The following MXRA5 variants were observed in gnomAD, a reference collection of about 807,000 sequenced individuals.
MXRA5 encodes matrix-remodeling-associated protein 5.
A neutral mutation model predicts 112.5 loss-of-function variants in MXRA5; 41 were observed. The observed-to-expected ratio is 0.36, with a 90% CI of 0.28 to 0.47. The LOEUF is 0.47. Ranked by LOEUF, MXRA5 falls within the 20% of genes least tolerant of loss-of-function variation. MXRA5 has a pLI of 0.99. For synonymous variants in MXRA5, 862 were observed against 900.8 expected, an observed-to-expected ratio of 0.96 and a Z score of 0.77; for missense variants, 2,150 against 2,251.0, an observed-to-expected ratio of 0.96 and a Z score of 0.91.
intron 1 of MXRA5, among the ~76,000 whole-genome samples, chrX:3,345,224 G>C (rs1234269715): frequency 8.9e-6 from 1 of 112,969 alleles, no homozygotes; most frequent in Non-Finnish European, 1.9e-5. Context: ...ACCTAGAAAA[G>C]GTTATTCTCT....
At chrX:3,315,391 T>TAGATGATAGATAGATA (rs1555943433) in intron 6 of MXRA5, among the ~76,000 whole-genome samples, 2 of 56,739 alleles carry the variant, frequency 3.5e-5, no homozygotes, top group Non-Finnish European at 6.5e-5. Flanking sequence ...GATAGATAGA[T>TAGATGATAGATAGATA]GATAGATAGA....
chrX:3,321,349 T>C lies in MXRA5; in HGVS notation c.4336A>G (p.Ile1446Val). 8.3e-7 allele frequency: 1 copy of C among 1,211,914 alleles called. No individual in the cohort carries two copies. The change falls in exon 5 of 7, where the codon ATA becomes GTA. Residue 1446 changes from isoleucine to valine, a missense_variant. Physicochemically the swap from Ile to Val is conservative, Grantham distance 29. Coordinates refer to ENST00000217939, the MANE Select transcript of MXRA5 (RefSeq NM_015419.4). ...TGACTTGAAGCCACCTCCACTTTTA[T>C]GCTTGAGAGAGTTGTGGAAGAACCA... Reference protein sequence around the residue: ...EAGSSTTLSSIKVEVASSQAE... With the variant: ...EAGSSTTLSSVKVEVASSQAE...
Position 3,317,173 on chromosome X carries a change from C to A in MXRA5, c.6508G>T (p.Ala2170Ser). The change falls in exon 6 of 7, where the codon GCC becomes TCC. Residue 2170 changes from alanine to serine, a missense_variant. Transcript: ENST00000217939. The stretch of plus-strand genomic sequence containing the variant: ...ATGCGCGGCCAGGGGTCCCCCGAGG[C>A]GCTGCAGTCCAGCTTGAGGGTTCCT... ...YGGTLKLDCS[A>S]SGDPWPRILW... 1.7e-6 allele frequency: 2 copies of A among 1,207,167 alleles called. No homozygotes were observed. The highest frequency in any genetic ancestry group is 5.9e-5 in the East Asian group (2 of 33,651).
rs1170834737 is a variant in MXRA5 at position 3,309,453 on chromosome X, A to G, written c.*263T>C. 3 of 355,138 alleles carry G rather than the reference A, an allele frequency of 8.4e-6. No individual in the cohort carries two copies. In the Admixed American group the frequency reaches 1.6e-4, roughly 18 times the overall value. The allele number at this position is 355,138 out of a possible 1,213,427, so 29.3% of individuals were successfully genotyped here. On this transcript the variant is annotated 3_prime_UTR_variant, in exon 7 of 7. Transcript: ENST00000217939. The stretch of plus-strand genomic sequence containing the variant: ...TTGCAAAAAAAGAAAAATTGCAGTC[A>G]GAGCACAGACACCCTGAATGAAGCC...
Position 3,317,767 on chromosome X carries a change from A to T in MXRA5, c.5914T>A (p.Cys1972Ser), listed in dbSNP as rs1435399687. Residue 1972 changes from cysteine (C) to serine (S), a missense_variant, in exon 6 of 7, where the codon TGT (cysteine) becomes AGT (serine). Around this residue, in one of 6 missense-constraint regions of MXRA5, gnomAD observed 1,485 missense variants for 1,471.6 expected, o/e 1.01. Transcript: ENST00000217939. ...VYLGDTIAME[C>S]LAKGTPAPQI... Reference sequence around the variant, plus strand: ...GGGGCTGGGGTCCCTTTGGCCAGACACTCCATTGCAATGGTGTCTCCCAGG... The same window carrying T: ...GGGGCTGGGGTCCCTTTGGCCAGACTCTCCATTGCAATGGTGTCTCCCAGG... The T allele has an allele frequency of 1.6e-5, 19 of 1,206,393 alleles. No homozygotes were observed. The highest frequency in any genetic ancestry group is 1.9e-5 in the Non-Finnish European group (17 of 893,179).
At position 3,312,430 on chromosome X, in the gene MXRA5, C is replaced by T. The variant is rs762802353; in HGVS notation, c.6579-806G>A. Among the ~76,000 whole-genome samples, 8 of 111,859 alleles carry T rather than the reference C, an allele frequency of 7.2e-5. No individual in the cohort carries two copies. The South Asian group carries it at 1.5e-3, about 21-fold the overall frequency. On this transcript the variant is annotated intron_variant, in intron 6 of 6. Transcript: ENST00000217939. Reference sequence around the variant, plus strand: ...AATACTGAAGTATCCTTTAGTTATTCGGAACTAATATGTTGAATAATCCAG... The same window carrying T: ...AATACTGAAGTATCCTTTAGTTATTTGGAACTAATATGTTGAATAATCCAG...
chrX:3,324,564 T>A lies in MXRA5; in HGVS notation c.1121A>T (p.Tyr374Phe). 8.3e-7 allele frequency: 1 copy of A among 1,211,510 alleles called. No individual in the cohort carries two copies. The highest frequency in any genetic ancestry group is 1.1e-6 in the Non-Finnish European group (1 of 895,356). The change falls in exon 5 of 7, where the codon TAT (tyrosine) becomes TTT (phenylalanine). Residue 374 changes from tyrosine (Y) to phenylalanine (F), a missense_variant. Coordinates refer to ENST00000217939, the MANE Select transcript of MXRA5 (RefSeq NM_015419.4). ...DFECPMTRENYEKLWKLIAYY... is the reference protein window; with the variant it reads ...DFECPMTRENFEKLWKLIAYY... ...TGCTATCAATTTCCATAGCTTTTCATAGTTTTCTCGGGTCATTGGACACTC... is the reference window on the plus strand; with the variant it reads ...TGCTATCAATTTCCATAGCTTTTCAAAGTTTTCTCGGGTCATTGGACACTC...
At chrX:3,333,789 T>C (rs1921724435) in intron 2 of MXRA5, among the ~76,000 whole-genome samples, 2 of 111,950 alleles carry the variant, frequency 1.8e-5, no homozygotes, top group African/African-American at 6.5e-5. Context: ...TTAAGGACCA[T>C]GAACCTCCTC....
chrX:3,330,062 T>C lies in MXRA5; in HGVS notation c.665A>G (p.Asp222Gly). 8.3e-7 allele frequency: 1 copy of C among 1,211,146 alleles called. No individual in the cohort carries two copies. The highest frequency in any genetic ancestry group is 1.1e-6 in the Non-Finnish European group (1 of 895,406). Residue 222 changes from aspartate to glycine, a missense_variant, in exon 4 of 7, where the codon GAT becomes GGT. Asp to Gly is a moderately conservative substitution (Grantham distance 94). Around this residue, in one of 6 missense-constraint regions of MXRA5, gnomAD observed 386 missense variants for 411.0 expected, o/e 0.94. Coordinates refer to ENST00000217939, the MANE Select transcript of MXRA5 (RefSeq NM_015419.4). ...LYLQGNPWTC[D>G]CEMRWFLEWD... ...TTCCAAAAACCATCTCATCTCACAA[T>C]CGCAGGTCCACGGATTTCCCTGCAA... is the stretch of plus-strand genomic sequence containing the variant.
At position 3,323,339 on chromosome X, in the gene MXRA5, G is replaced by T. The variant is rs1439135189; in HGVS notation, c.2346C>A (p.Arg782=). The change falls in exon 5 of 7, where the codon CGC becomes CGA. Residue 782 remains arginine (R), a synonymous_variant. Coordinates refer to ENST00000217939, the MANE Select transcript of MXRA5 (RefSeq NM_015419.4). ...NMANKQINPE[R]WADILAKVRG... ...GGACTTTGGCTAAAATATCAGCCCA[G>T]CGCTCCGGATTAATCTGTTTGTTTG... The T allele has an allele frequency of 1.7e-6, 2 of 1,211,673 alleles. No homozygotes were observed. Among genetic ancestry groups the T allele is most frequent in the Admixed American group, 2.2e-5 (1 of 46,022 alleles).
At chrX:3,329,041 AGAAG>A (rs1480283147) in intron 4 of MXRA5, among the ~76,000 whole-genome samples, 2 of 93,084 alleles carry the variant, frequency 2.1e-5, no homozygotes, top group African/African-American at 4.0e-5. Context: ...AAGGAAGGAA[AGAAG>A]GAAGGAAGGA....
At chrX:3,332,434 T>C (rs1190423812) in intron 2 of MXRA5, among the ~76,000 whole-genome samples, 8 of 110,630 alleles carry the variant, frequency 7.2e-5, no homozygotes, top group South Asian at 3.9e-4. Flanking sequence ...TTAGTAGAGA[T>C]GGGGTTTCAT....
Position 3,321,760 on chromosome X carries a change from C to A in MXRA5, c.3925G>T (p.Val1309Phe). 1 of 1,210,567 alleles carries A rather than the reference C, an allele frequency of 8.3e-7. No individual in the cohort carries two copies. Among genetic ancestry groups the A allele is most frequent in the South Asian group, 1.8e-5 (1 of 56,772 alleles). ...TRKIYSSYPK[V>F]QETLPVTYKP... ...TATGTGACTGGAAGTGTCTCTTGGA[C>A]TTTAGGGTAAGATGAATATATTTTT... The change falls in exon 5 of 7, where the codon GTC becomes TTC. Residue 1309 changes from valine to phenylalanine, a missense_variant. This residue lies in a region of MXRA5 where 1,485 missense variants were observed against 1,471.6 expected (regional missense o/e 1.01). Transcript: ENST00000217939.
At chrX:3,333,529 A>C (rs1921719941) in intron 2 of MXRA5, among the ~76,000 whole-genome samples, 1 of 110,672 alleles carries the variant, frequency 9.0e-6, no homozygotes, top group Non-Finnish European at 1.9e-5. Context: ...CTTTACAAAG[A>C]AGAGGAGACT....
rs1921175348 is a variant in MXRA5, at chrX:3,317,436, A to G, written c.6245T>C (p.Val2082Ala). Residue 2082 changes from valine to alanine, a missense_variant, in exon 6 of 7, where the codon GTG (valine) becomes GCG (alanine). By Grantham distance (64) the Val-to-Ala change is moderately conservative. Coordinates refer to ENST00000217939, the MANE Select transcript of MXRA5 (RefSeq NM_015419.4). The stretch of plus-strand genomic sequence containing the variant: ...GCGGATCTGGGTACCGTCCCCGAGC[A>G]CCCAGCGCACGCTGGGCAGGGGCGC... ...KAAPLPSVRW[V>A]LGDGTQIRPS... The G allele has an allele frequency of 1.7e-6, 2 of 1,198,047 alleles. No individual in the cohort carries two copies. Among genetic ancestry groups the G allele is most frequent in the Non-Finnish European group, 2.2e-6 (2 of 888,916 alleles).
At chrX:3,315,391 T>TGATA (rs111904144) in intron 6 of MXRA5, among the ~76,000 whole-genome samples, 1,761 of 56,742 alleles carry the variant, frequency 0.031, 140 homozygotes, top group African/African-American at 0.042. Flanking sequence ...GATAGATAGA[T>TGATA]GATAGATAGA....
intron 5 of MXRA5, among the ~76,000 whole-genome samples, chrX:3,318,332 AGACATG>A (rs1471669023): frequency 9.1e-6 from 1 of 110,410 alleles, no homozygotes; most frequent in Non-Finnish European, 1.9e-5. Context: ...TTTTTTGTAG[AGACATG>A]GTCTTGCTGT....
At position 3,309,506 on chromosome X, in the gene MXRA5, G is replaced by A. The variant is rs939144895; in HGVS notation, c.*210C>T. 17 of 417,899 alleles carry A rather than the reference G, an allele frequency of 4.1e-5. 1 individual carries two copies. Among genetic ancestry groups the A allele is most frequent in the Admixed American group, 4.0e-4 (9 of 22,625 alleles). 34.4% of individuals were successfully genotyped at this position (417,899 alleles called of 1,213,427 possible). On this transcript the variant is annotated 3_prime_UTR_variant, in exon 7 of 7. Coordinates refer to ENST00000217939, the MANE Select transcript of MXRA5 (RefSeq NM_015419.4). ...TGGCATGATGTAAACACAAAAGAAA[G>A]TGTCTCAGCAAGGCTGAGCCCTCCT...
At position 3,309,754 on chromosome X, in the gene MXRA5, C is replaced by T. The variant is rs867087395; in HGVS notation, c.8449G>A (p.Gly2817Ser). The T allele has an allele frequency of 1.2e-5, 14 of 1,209,577 alleles. No homozygotes were observed. The highest frequency in any genetic ancestry group is 1.5e-5 in the Non-Finnish European group (13 of 895,069). The change falls in exon 7 of 7, where the codon GGC becomes AGC. Residue 2817 changes from glycine to serine, a missense_variant. Physicochemically the swap from Gly to Ser is moderately conservative, Grantham distance 56 (BLOSUM62 0). Around this residue, in one of 6 missense-constraint regions of MXRA5, gnomAD observed 178 missense variants for 198.2 expected, o/e 0.90. Transcript: ENST00000217939. ...FYKCMAKNIL[G>S]SDSKTTYIHV... ...ATGTAAGTTGTTTTGGAGTCACTGCCGAGAATGTTTTTTGCCATGCACTTG... is the reference window on the plus strand; with the variant it reads ...ATGTAAGTTGTTTTGGAGTCACTGCTGAGAATGTTTTTTGCCATGCACTTG...
Sources: allele counts gnomAD v4.1 joint callset (sites outside exome capture counted in the v4.1 genomes callset), GRCh38; gene constraint gnomAD v4.1.1; regional missense constraint gnomAD v4.1.1; transcripts MANE v1.5; gene names NCBI Gene and HGNC (gene_info 2026-07-23, HGNC 2026-07-21).